ZBTB20: variants seen among roughly 807,000 people sequenced by gnomAD.
The protein encoded by ZBTB20 is zinc finger and BTB domain containing 20, also known as zinc finger and BTB domain-containing protein 20.
Under a neutral mutation model 56.9 loss-of-function variants are expected in ZBTB20, and 9 were observed. The ratio of observed to expected loss-of-function variants is 0.16; its 90% CI spans 0.10 to 0.28. The LOEUF (loss-of-function observed/expected upper bound fraction) is 0.28, where lower values mean the gene tolerates loss of function less well. Among genes scored for constraint, ZBTB20 ranks in the 10% least tolerant of loss-of-function variants. The probability of loss-of-function intolerance (pLI) is 1.00; values close to 1 mark genes in which losing one functional copy is unlikely to be tolerated. For synonymous variants in ZBTB20, 417 were observed against 420.7 expected (o/e 0.99, Z 0.11); for missense variants, 655 against 1,003.0 (o/e 0.65, Z 4.69).
At chr3:114,960,732 C>T (rs1481821720) in intron 3 of ZBTB20, among the ~76,000 whole-genome samples, 1 of 152,078 alleles carries the variant, frequency 6.6e-6, no homozygotes, top group Admixed American at 6.6e-5. Flanking sequence ...ATTCAAAATT[C>T]TAGACATCAT....
intron 6 of ZBTB20, among the ~76,000 whole-genome samples, chr3:114,513,424 CA>C (rs1268706433): frequency 2.0e-5 from 3 of 152,054 alleles, no homozygotes; most frequent in Non-Finnish European, 4.4e-5. Flanking sequence ...AAAGTAAAAC[CA>C]AATTATCGCT....
chr3:114,697,227 C>T (rs912622486), intron 5 of ZBTB20, among the ~76,000 whole-genome samples: 1 of 151,942 alleles, frequency 6.6e-6, no homozygotes, highest in African/African-American at 2.4e-5. Context: ...CACACAAACA[C>T]ACACACACCC....
At chr3:114,484,890 C>T (rs769778062) in intron 7 of ZBTB20, among the ~76,000 whole-genome samples, 1 of 152,112 alleles carries the variant, frequency 6.6e-6, no homozygotes, top group Non-Finnish European at 1.5e-5. Context: ...CCCTGGACCA[C>T]AGACAAAGGT....
At chr3:114,466,326 C>T (rs2092552063) in intron 7 of ZBTB20, among the ~76,000 whole-genome samples, 1 of 152,184 alleles carries the variant, frequency 6.6e-6, no homozygotes, top group South Asian at 2.1e-4. Flanking sequence ...TTATTATTAT[C>T]ATCTAGTTTT....
chr3:114,337,067 G>A lies in ZBTB20; in HGVS notation c.*1938C>T, dbSNP rs2079482028. 1 of 152,186 alleles carries A rather than the reference G, an allele frequency of 6.6e-6. No individual in the cohort carries two copies. The highest frequency in any genetic ancestry group is 1.5e-5 in the Non-Finnish European group (1 of 68,030). The allele number at this position is 152,186 out of a possible 1,614,324, so 9.4% of individuals were successfully genotyped here. ...GAGTGGCATCTGGTATGATGCAATAGATTGGTGGTCTTTTGAATGGTGGCT... is the reference window on the plus strand; with the variant it reads ...GAGTGGCATCTGGTATGATGCAATAAATTGGTGGTCTTTTGAATGGTGGCT... On this transcript the variant is annotated 3_prime_UTR_variant, in exon 12 of 12. Transcript: ENST00000675478.
chr3:114,692,247 G>A (rs888520403), intron 6 of ZBTB20, among the ~76,000 whole-genome samples: 10 of 152,068 alleles, frequency 6.6e-5, no homozygotes, highest in African/African-American at 2.4e-4. Flanking sequence ...ACTAATACGA[G>A]TTTCTTTTGG....
rs114043264 is a variant in ZBTB20 at position 114,861,345 on chromosome 3, T to C, written c.-417+38959A>G. On this transcript the variant is annotated intron_variant, in intron 4 of 11. Coordinates refer to ENST00000675478, the MANE Select transcript of ZBTB20 (RefSeq NM_001348800.3). ...AAATACTTTGTCTTATTCCTTAGTT[T>C]ATTGCTAGTGTCCAGTACTGTGCCT... 6.6e-3 allele frequency among the ~76,000 whole-genome samples: 999 copies of C among 152,324 alleles called. 13 individuals are homozygous for C. Among genetic ancestry groups the C allele is most frequent in the African/African-American group, 0.023 (959 of 41,568 alleles).
At chr3:114,618,343 G>A (rs2058082833) in intron 6 of ZBTB20, among the ~76,000 whole-genome samples, 1 of 147,376 alleles carries the variant, frequency 6.8e-6, no homozygotes, top group Non-Finnish European at 1.5e-5. Context: ...TCAAACTCCT[G>A]GGCTCAAGGG....
At chr3:114,567,725 A>T (rs1319418537) in intron 6 of ZBTB20, among the ~76,000 whole-genome samples, 1 of 152,066 alleles carries the variant, frequency 6.6e-6, no homozygotes, top group Non-Finnish European at 1.5e-5. Flanking sequence ...GTTTCTCCGT[A>T]TCCCTCCTGT....
At chr3:114,552,239 T>C (rs943076017) in intron 6 of ZBTB20, among the ~76,000 whole-genome samples, 2 of 152,038 alleles carry the variant, frequency 1.3e-5, no homozygotes, top group Non-Finnish European at 2.9e-5. Flanking sequence ...AACTTGGAAA[T>C]TCTAGATATC....
intron 2 of ZBTB20, among the ~76,000 whole-genome samples, chr3:115,014,497 C>T (rs147185987): frequency 2.0e-5 from 3 of 151,792 alleles, no homozygotes; most frequent in African/African-American, 7.2e-5. Context: ...GTGATTATTA[C>T]TCATTGCATG....
intron 3 of ZBTB20, among the ~76,000 whole-genome samples, chr3:114,912,037 T>C (rs1232324795): frequency 6.7e-6 from 1 of 150,120 alleles, no homozygotes; most frequent in African/African-American, 2.5e-5. Flanking sequence ...CCTTGTTCCA[T>C]ATAAGTGAAC....
intron 4 of ZBTB20, among the ~76,000 whole-genome samples, chr3:114,897,045 T>G (rs2074913201): frequency 6.6e-6 from 1 of 152,098 alleles, no homozygotes. Flanking sequence ...GACAGTAGCA[T>G]AGCTAAGATT....
chr3:114,791,392 A>G (rs984904932), intron 5 of ZBTB20, among the ~76,000 whole-genome samples: 1 of 152,172 alleles, frequency 6.6e-6, no homozygotes, highest in Admixed American at 6.6e-5. Flanking sequence ...TTGTGACTAA[A>G]ACTTCACTGA....
At chr3:115,129,458 C>A (rs1411877466) in intron 1 of ZBTB20, among the ~76,000 whole-genome samples, 1 of 152,082 alleles carries the variant, frequency 6.6e-6, no homozygotes, top group Non-Finnish European at 1.5e-5. Context: ...TGTTATCAAC[C>A]AACTAATGTA....
At chr3:114,716,242 A>G (rs2064472744) in intron 5 of ZBTB20, among the ~76,000 whole-genome samples, 1 of 152,168 alleles carries the variant, frequency 6.6e-6, no homozygotes, top group African/African-American at 2.4e-5. Flanking sequence ...TGCTGGATCA[A>G]TAAGAATGAT....
At chr3:114,775,534 CT>C (rs2108755126) in intron 5 of ZBTB20, among the ~76,000 whole-genome samples, 1 of 147,074 alleles carries the variant, frequency 6.8e-6, no homozygotes, top group East Asian at 2.0e-4. Flanking sequence ...TACATGTGGG[CT>C]TTTGGCAAAA....
At chr3:114,373,632 G>T (rs2083286030) in intron 10 of ZBTB20, among the ~76,000 whole-genome samples, 1 of 152,002 alleles carries the variant, frequency 6.6e-6, no homozygotes, top group Non-Finnish European at 1.5e-5. Context: ...TTCCTCGGGG[G>T]CTCTGTAGCA....
intron 2 of ZBTB20, among the ~76,000 whole-genome samples, chr3:115,040,131 AT>A (rs1309269759): frequency 2.6e-5 from 4 of 151,896 alleles, no homozygotes; most frequent in East Asian, 1.9e-4. Context: ...TACATATATA[AT>A]TTTTTTTATT....
Sources: allele counts gnomAD v4.1 joint callset (sites outside exome capture counted in the v4.1 genomes callset), GRCh38; gene constraint gnomAD v4.1.1; transcripts MANE v1.5; gene names NCBI Gene and HGNC (gene_info 2026-07-23, HGNC 2026-07-21).